ARHGEF26: variants seen among roughly 807,000 people sequenced by gnomAD.
ARHGEF26 encodes the protein Rho guanine nucleotide exchange factor (GEF) 26.
A neutral mutation model predicts 89.4 loss-of-function variants in ARHGEF26; 59 were observed. The observed-to-expected ratio is 0.66, with a 90% confidence interval of 0.54 to 0.82. The LOEUF is 0.82. Among genes scored for constraint, ARHGEF26 ranks in the 40% least tolerant of loss-of-function variants. ARHGEF26 has a pLI of 0.00. For synonymous variants in ARHGEF26, 500 were observed against 428.4 expected (o/e 1.17, Z -2.06); for missense variants, 1,234 against 1,085.6 (o/e 1.14, Z -1.92).
chr3:154,239,007 G>A (rs1717289603), intron 11 of ARHGEF26, among the ~76,000 whole-genome samples: 1 of 152,072 alleles, frequency 6.6e-6, no homozygotes, highest in South Asian at 2.1e-4. Flanking sequence ...GAGGAGGTGA[G>A]TTGGAAAGAA....
chr3:154,225,728 G>A (rs1716443047), intron 10 of ARHGEF26, 128 bp from the exon 11 acceptor site: 2 of 942,762 alleles, frequency 2.1e-6, no homozygotes, highest in Non-Finnish European at 3.0e-6. Flanking sequence ...AGTTTTATAT[G>A]CCTATAAAAC....
At chr3:154,189,295 A>G (rs1294039576) in intron 7 of ARHGEF26, among the ~76,000 whole-genome samples, 2 of 151,200 alleles carry the variant, frequency 1.3e-5, no homozygotes, top group Non-Finnish European at 2.9e-5. Flanking sequence ...TCACGTGGCA[A>G]TTAGTAGTGT....
At chr3:154,159,564 T>G (rs1432518238) in intron 6 of ARHGEF26, among the ~76,000 whole-genome samples, 1 of 152,090 alleles carries the variant, frequency 6.6e-6, no homozygotes, top group Non-Finnish European at 1.5e-5. Flanking sequence ...TCCCTAATTT[T>G]AATCAAACTC....
chr3:154,167,284 C>T (rs766267051), intron 6 of ARHGEF26, among the ~76,000 whole-genome samples: 5 of 152,140 alleles, frequency 3.3e-5, no homozygotes, highest in Admixed American at 1.3e-4. Context: ...GCTTGACAAG[C>T]GAGGTCCTTG....
chr3:154,129,777 T>C (rs1366069840), intron 4 of ARHGEF26, 58 bp downstream of exon 4: 2 of 1,538,862 alleles, frequency 1.3e-6, no homozygotes, highest in African/African-American at 1.4e-5. Context: ...TTGGAAATTA[T>C]GTGTGGATTT....
At chr3:154,193,466 T>C (rs1159351181) in intron 8 of ARHGEF26, among the ~76,000 whole-genome samples, 1 of 152,198 alleles carries the variant, frequency 6.6e-6, no homozygotes, top group African/African-American at 2.4e-5. Flanking sequence ...GGTGCTTCTG[T>C]ACATTTAAGG....
chr3:154,168,612 G>A (rs1712203751), intron 6 of ARHGEF26, among the ~76,000 whole-genome samples: 1 of 151,944 alleles, frequency 6.6e-6, no homozygotes, highest in African/African-American at 2.4e-5. Context: ...ACCCAAAAAT[G>A]GCCAAAGATT....
In ARHGEF26 at chr3:154,152,800, A is replaced by G; in HGVS notation, c.1355A>G (p.His452Arg). The G allele has an allele frequency of 6.4e-7, 1 of 1,552,326 alleles. No individual in the cohort carries two copies. The highest frequency in any genetic ancestry group is 1.2e-5 in the South Asian group (1 of 81,686). The part of the protein sequence containing the change: ...EAIFEVISSE[H>R]SYLLSLEILI... ...ATCTTTGAAGTCATATCCTCTGAAC[A>G]TTCATATTTACTCAGCTTGGAGATC... Residue 452 changes from histidine (H) to arginine (R), a missense_variant, in exon 6 of 15, where the codon CAT (histidine) becomes CGT (arginine). Physicochemically the swap from His to Arg is conservative, Grantham distance 29. Transcript: ENST00000465093.
At chr3:154,239,631 A>G (rs1717371138) in intron 11 of ARHGEF26, among the ~76,000 whole-genome samples, 1 of 152,138 alleles carries the variant, frequency 6.6e-6, no homozygotes, top group Admixed American at 6.5e-5. Flanking sequence ...CCAAGTATTT[A>G]GAAGACTTTA....
chr3:154,143,855 A>G (rs1304275794), intron 4 of ARHGEF26, among the ~76,000 whole-genome samples: 1 of 152,122 alleles, frequency 6.6e-6, no homozygotes, highest in East Asian at 1.9e-4. Flanking sequence ...GTATTTGTTA[A>G]CCTCATTTTC....
At chr3:154,250,377 A>G (rs551003014) in intron 12 of ARHGEF26, among the ~76,000 whole-genome samples, 174 of 150,850 alleles carry the variant, frequency 1.2e-3, no homozygotes, top group African/African-American at 4.0e-3. Flanking sequence ...ATTTGACAGC[A>G]TCTAAGAGGG....
intron 8 of ARHGEF26, 57 bp from the exon 9 acceptor site, chr3:154,194,587 T>G: frequency 7.6e-7 from 1 of 1,320,568 alleles, no homozygotes; most frequent in Non-Finnish European, 1.1e-6. Flanking sequence ...GGACATTGGT[T>G]TTATTTTACT....
At chr3:154,130,784 A>C (rs1205742589) in intron 4 of ARHGEF26, among the ~76,000 whole-genome samples, 1 of 152,204 alleles carries the variant, frequency 6.6e-6, no homozygotes, top group Non-Finnish European at 1.5e-5. Flanking sequence ...GTACACCTCC[A>C]TGAGTCCTTA....
At chr3:154,248,890 G>C (rs559045083) in intron 12 of ARHGEF26, among the ~76,000 whole-genome samples, 3 of 151,786 alleles carry the variant, frequency 2.0e-5, no homozygotes, top group Non-Finnish European at 2.9e-5. Flanking sequence ...TTTTTTTCAC[G>C]CTATGGGGCT....
chr3:154,151,956 C>T (rs1720047995), intron 5 of ARHGEF26, among the ~76,000 whole-genome samples: 1 of 152,130 alleles, frequency 6.6e-6, no homozygotes, highest in Admixed American at 6.5e-5. Flanking sequence ...TTTAGAGGAT[C>T]TGAATTTGAT....
chr3:154,179,825 A>C (rs1045170417), intron 6 of ARHGEF26, among the ~76,000 whole-genome samples: 7 of 152,192 alleles, frequency 4.6e-5, no homozygotes, highest in African/African-American at 1.4e-4. Context: ...GATTAAGAGG[A>C]TGTATTAGTT....
At chr3:154,242,151 A>G (rs924994143) in intron 12 of ARHGEF26, among the ~76,000 whole-genome samples, 3 of 152,248 alleles carry the variant, frequency 2.0e-5, no homozygotes, top group Non-Finnish European at 4.4e-5. Flanking sequence ...CATATTCCAA[A>G]TGAGCTGGAG....
chr3:154,148,265 A>G (rs1241970530), intron 4 of ARHGEF26, among the ~76,000 whole-genome samples: 11 of 152,206 alleles, frequency 7.2e-5, no homozygotes, highest in African/African-American at 2.4e-4. Context: ...CTCAATCAGA[A>G]TACAAGAAGG....
chr3:154,221,310 A>T (rs357495), intron 10 of ARHGEF26, among the ~76,000 whole-genome samples: 2 of 152,146 alleles, frequency 1.3e-5, no homozygotes, highest in South Asian at 4.1e-4. Context: ...AGATTTATAA[A>T]TAATTCAAAA....
Sources: gnomAD v4.1 joint callset for allele counts (sites outside exome capture counted in the v4.1 genomes callset) on GRCh38, gnomAD v4.1.1 for gene constraint, MANE v1.5 for transcripts, NCBI Gene and HGNC (gene_info 2026-07-23, HGNC 2026-07-21) for gene names.